The following PDE7B variants were observed in gnomAD, a reference collection of about 807,000 sequenced individuals.
PDE7B encodes the protein phosphodiesterase 7B, also known as 3',5'-cyclic-AMP phosphodiesterase 7B.
A neutral mutation model predicts 56.2 loss-of-function variants in PDE7B; 29 were observed. That is an observed-to-expected ratio of 0.52 (90% CI 0.38 to 0.70). The LOEUF is 0.70. PDE7B is among the 30% of genes least tolerant of loss of function. PDE7B has a pLI of 0.00. For missense variants in PDE7B, 490 were observed against 565.0 expected (o/e 0.87, Z 1.35); for synonymous variants, 197 against 196.9 (o/e 1.00, Z 0.00).
chr6:136,001,119 A>G (rs1166621710), intron 2 of PDE7B, among the ~76,000 whole-genome samples: 2 of 152,244 alleles, frequency 1.3e-5, no homozygotes, highest in African/African-American at 4.8e-5. Context: ...GCAAACTCCA[A>G]CAGACCTGCA....
intron 2 of PDE7B, among the ~76,000 whole-genome samples, chr6:135,989,051 A>C (rs566070036): frequency 6.6e-6 from 1 of 152,308 alleles, no homozygotes; most frequent in African/African-American, 2.4e-5. Context: ...GGAATATATA[A>C]AAATTCATTT....
At chr6:136,031,631 T>C (rs956461562) in intron 2 of PDE7B, among the ~76,000 whole-genome samples, 3 of 147,398 alleles carry the variant, frequency 2.0e-5, no homozygotes, top group Admixed American at 6.9e-5. Flanking sequence ...CCCAGCTACT[T>C]GGGAGGCTGA....
At chr6:135,856,989 C>T (rs12199614) in intron 1 of PDE7B, among the ~76,000 whole-genome samples, 2,614 of 150,660 alleles carry the variant, frequency 0.017, 32 homozygotes, top group Non-Finnish European at 0.026. Context: ...TTCCCTCCTT[C>T]CCTTCCTTCT....
At position 136,109,588 on chromosome 6, in the gene PDE7B, G is replaced by C. The variant is rs141144195; in HGVS notation, c.166+774G>C. Among the ~76,000 whole-genome samples, 732 of 152,224 alleles carry C rather than the reference G, an allele frequency of 4.8e-3. 1 individual carries two copies. Among genetic ancestry groups the C allele is most frequent in the African/African-American group, 0.017 (689 of 41,526 alleles). ...GCCTTCCTGGTAAAACTCTTCACCA[G>C]GGCAAAATCCAAAGCACTTGCTGCT... On this transcript the variant is annotated intron_variant, in intron 3 of 12. Coordinates refer to ENST00000308191, the MANE Select transcript of PDE7B (RefSeq NM_018945.4).
intron 2 of PDE7B, chr6:136,038,619 T>C (rs1007167497): frequency 6.1e-5 from 62 of 1,010,128 alleles, no homozygotes; most frequent in Non-Finnish European, 8.0e-5. Context: ...GGGAGGAAAA[T>C]GAACTGTGTA....
At chr6:135,879,369 A>G (rs1394994880) in intron 1 of PDE7B, among the ~76,000 whole-genome samples, 1 of 152,170 alleles carries the variant, frequency 6.6e-6, no homozygotes, top group Non-Finnish European at 1.5e-5. Context: ...AACTCCAACC[A>G]GTCAAAACAT....
chr6:136,142,019 C>T (rs1304921134), intron 3 of PDE7B, among the ~76,000 whole-genome samples: 2 of 152,076 alleles, frequency 1.3e-5, no homozygotes, highest in African/African-American at 4.8e-5. Context: ...TTTGCTCTTG[C>T]TTCTCTAGTT....
chr6:135,875,049 C>A (rs1455650088), intron 1 of PDE7B, among the ~76,000 whole-genome samples: 2 of 151,712 alleles, frequency 1.3e-5, no homozygotes, highest in Admixed American at 1.3e-4. Context: ...TATTCCAGTT[C>A]TCTTTTGGTT....
chr6:135,979,942 T>C (rs915852961), intron 2 of PDE7B, among the ~76,000 whole-genome samples: 11 of 152,164 alleles, frequency 7.2e-5, no homozygotes, highest in Admixed American at 5.9e-4. Flanking sequence ...AAAAACTACT[T>C]TAAAGTTCAT....
intron 8 of PDE7B, among the ~76,000 whole-genome samples, chr6:136,167,284 C>T (rs1439050217): frequency 1.3e-5 from 2 of 152,114 alleles, no homozygotes; most frequent in African/African-American, 4.8e-5. Context: ...TGTTTATTGC[C>T]TGTCTCTCCC....
At position 136,110,355 on chromosome 6, in the gene PDE7B, T is replaced by C. The variant is rs143128298; in HGVS notation, c.166+1541T>C. ...CACCTTTGACAGTCTCTAGACTGAG[T>C]GGATTTCCAGGTCCTAGGCATGTGG... On this transcript the variant is annotated intron_variant, in intron 3 of 12. Coordinates refer to ENST00000308191, the MANE Select transcript of PDE7B (RefSeq NM_018945.4). Among the ~76,000 whole-genome samples, 57 of 152,176 alleles carry C rather than the reference T, an allele frequency of 3.7e-4. No homozygotes were observed. The East Asian group carries it at 7.1e-3, about 19-fold the overall frequency.
chr6:136,056,224 C>G (rs1292633162), intron 2 of PDE7B, among the ~76,000 whole-genome samples: 1 of 152,204 alleles, frequency 6.6e-6, no homozygotes, highest in African/African-American at 2.4e-5. Flanking sequence ...CGTCTTCAGT[C>G]TTCCCCACAC....
At chr6:135,858,653 G>A (rs1325847559) in intron 1 of PDE7B, among the ~76,000 whole-genome samples, 4 of 152,060 alleles carry the variant, frequency 2.6e-5, no homozygotes, top group Admixed American at 2.0e-4. Flanking sequence ...GCTTTCTCAT[G>A]TATAAAATGA....
intron 3 of PDE7B, among the ~76,000 whole-genome samples, chr6:136,141,177 G>T (rs544731944): frequency 5.3e-4 from 81 of 152,178 alleles, no homozygotes; most frequent in African/African-American, 1.7e-3. Flanking sequence ...TAGCATGAAG[G>T]GTTGTTGAAT....
chr6:136,065,121 C>T (rs1776911776), intron 2 of PDE7B, among the ~76,000 whole-genome samples: 1 of 152,180 alleles, frequency 6.6e-6, no homozygotes, highest in Non-Finnish European at 1.5e-5. Context: ...ACTAGCAGGA[C>T]TTGACAGCAG....
intron 1 of PDE7B, among the ~76,000 whole-genome samples, chr6:135,876,850 C>G (rs972475977): frequency 1.4e-5 from 2 of 147,020 alleles, no homozygotes; most frequent in African/African-American, 5.4e-5. Context: ...CAGTGAGAGA[C>G]TCTGTGTCAA....
intron 2 of PDE7B, among the ~76,000 whole-genome samples, chr6:135,970,983 T>C (rs910698105): frequency 3.9e-5 from 6 of 152,028 alleles, no homozygotes; most frequent in Admixed American, 1.3e-4. Context: ...GGGTAAGGGA[T>C]AGTGGATGGC....
At chr6:135,887,310 T>A (rs1775727330) in intron 1 of PDE7B, among the ~76,000 whole-genome samples, 1 of 152,146 alleles carries the variant, frequency 6.6e-6, no homozygotes, top group Non-Finnish European at 1.5e-5. Flanking sequence ...TTGCTGAGCA[T>A]TTATACTGTG....
intron 2 of PDE7B, among the ~76,000 whole-genome samples, chr6:136,005,285 T>C (rs1258326744): frequency 6.6e-6 from 1 of 152,168 alleles, no homozygotes; most frequent in Non-Finnish European, 1.5e-5. Context: ...ATTCAGGACA[T>C]AGGCATGGGC....
Sources: gnomAD v4.1 joint callset for allele counts (sites outside exome capture counted in the v4.1 genomes callset) on GRCh38, gnomAD v4.1.1 for gene constraint, MANE v1.5 for transcripts, NCBI Gene and HGNC (gene_info 2026-07-23, HGNC 2026-07-21) for gene names.